The following CCT3 variants were observed in gnomAD, a reference collection of about 807,000 sequenced individuals.
CCT3 encodes T-complex protein 1 subunit gamma.
In CCT3, 10 loss-of-function variants were observed where a neutral mutation model predicts 65.3. The ratio of observed to expected loss-of-function variants is 0.15; its 90% CI spans 0.09 to 0.26. CCT3 has a LOEUF of 0.26. Among genes scored for constraint, CCT3 ranks in the 10% least tolerant of loss-of-function variants. The probability of loss-of-function intolerance (pLI) is 1.00; values close to 1 mark genes in which losing one functional copy is unlikely to be tolerated. For missense variants in CCT3, 626 were observed against 708.7 expected (o/e 0.88, Z 1.33); for synonymous variants, 225 against 242.3 (o/e 0.93, Z 0.66).
intron 13 of CCT3, among the ~76,000 whole-genome samples, chr1:156,310,093 A>C (rs1664016895): frequency 6.7e-6 from 1 of 149,290 alleles, no homozygotes; most frequent in African/African-American, 2.5e-5. Context: ...AGTGATACAG[A>C]TTGTGCTATA....
At chr1:156,327,292 T>TCC (rs1414551324) in intron 5 of CCT3, among the ~76,000 whole-genome samples, 3 of 151,280 alleles carry the variant, frequency 2.0e-5, no homozygotes, top group Admixed American at 6.6e-5. Flanking sequence ...CCTCTCCCTC[T>TCC]CCACGGTCTC....
intron 2 of CCT3, 28 bp downstream of exon 2, chr1:156,335,799 T>A (rs762859377): frequency 5.0e-6 from 8 of 1,599,700 alleles, no homozygotes; most frequent in Non-Finnish European, 6.0e-6. Context: ...GGAGGCAAAC[T>A]ACCATAAACA....
At chr1:156,327,641 C>T (rs1269212140) in intron 5 of CCT3, among the ~76,000 whole-genome samples, 7 of 152,182 alleles carry the variant, frequency 4.6e-5, no homozygotes, top group Middle Eastern at 3.4e-3. Flanking sequence ...CGGCTCGCTA[C>T]AACCACCTCC....
intron 7 of CCT3, among the ~76,000 whole-genome samples, chr1:156,320,502 C>T (rs774750626): frequency 2.6e-5 from 4 of 152,206 alleles, no homozygotes; most frequent in Non-Finnish European, 5.9e-5. Flanking sequence ...AATCCCAGCA[C>T]TTTGAGAGCC....
At chr1:156,323,801 C>T (rs960979382) in intron 6 of CCT3, among the ~76,000 whole-genome samples, 6 of 151,174 alleles carry the variant, frequency 4.0e-5, no homozygotes, top group African/African-American at 1.2e-4. Flanking sequence ...TTTTGTTGTT[C>T]GCCCAGGCTG....
Position 156,317,235 on chromosome 1 carries a change from T to G in CCT3, c.905A>C (p.His302Pro). Residue 302 changes from histidine (H) to proline (P), a missense_variant, in exon 10 of 14, where the codon CAC (histidine) becomes CCC (proline). Physicochemically the swap from His to Pro is moderately conservative, Grantham distance 77. Coordinates refer to ENST00000295688, the MANE Select transcript of CCT3 (RefSeq NM_005998.5). ...TEKGISDLAQ[H>P]YLMRANITAI... is the part of the protein sequence containing the mutation. ...TGTGATATTGGCCCGCATAAGGTAG[T>G]GCTGAGCTAAATCTACAAATCCAAG... 1 of 1,614,204 alleles carries G rather than the reference T, an allele frequency of 6.2e-7. No homozygotes were observed. The highest frequency in any genetic ancestry group is 8.5e-7 in the Non-Finnish European group (1 of 1,180,008).
intron 4 of CCT3, 123 bp downstream of exon 4, chr1:156,334,586 GCCAA>G: frequency 1.2e-6 from 1 of 824,952 alleles, no homozygotes; most frequent in Non-Finnish European, 1.9e-6. Flanking sequence ...TGTTGTTGAA[GCCAA>G]CCAGTTTCTG....
chr1:156,328,119 G>A (rs1664927524), intron 5 of CCT3, among the ~76,000 whole-genome samples: 1 of 142,940 alleles, frequency 7.0e-6, no homozygotes, highest in Non-Finnish European at 1.5e-5. Context: ...CGGGAGGTGA[G>A]GGGCGCCTCT....
intron 5 of CCT3, chr1:156,333,336 G>T: frequency 4.4e-6 from 2 of 456,198 alleles, no homozygotes. Context: ...AGTGAATAAA[G>T]AGAATTAACT....
At chr1:156,337,817 T>A in intron 1 of CCT3, 3 of 364,636 alleles carry the variant, frequency 8.2e-6, no homozygotes, top group Non-Finnish European at 9.9e-6. Flanking sequence ...AAAAACGTTA[T>A]TCGTGCAGCT....
intron 5 of CCT3, among the ~76,000 whole-genome samples, chr1:156,328,123 C>T (rs1412040677): frequency 2.1e-5 from 3 of 142,146 alleles, no homozygotes; most frequent in Non-Finnish European, 3.1e-5. Flanking sequence ...AGGTGAGGGG[C>T]GCCTCTGCCT....
chr1:156,337,412 T>G, intron 1 of CCT3: 1 of 169,586 alleles, frequency 5.9e-6, no homozygotes. Context: ...TGTCTCAAAA[T>G]ATAAAAAGAA....
chr1:156,317,646 C>A, intron 8 of CCT3, 99 bp from the exon 9 acceptor site: 4 of 1,146,970 alleles, frequency 3.5e-6, no homozygotes, highest in South Asian at 3.1e-5. Flanking sequence ...CCACGTATCT[C>A]AGAGTCAGAA....
chr1:156,320,349 A>G (rs1444813742), intron 7 of CCT3, among the ~76,000 whole-genome samples: 1 of 152,188 alleles, frequency 6.6e-6, no homozygotes, highest in African/African-American at 2.4e-5. Flanking sequence ...TGGAGGCTAC[A>G]GTGAGCCGAG....
At chr1:156,337,606 TA>T (rs1278841608) in intron 1 of CCT3, 1 of 164,430 alleles carries the variant, frequency 6.1e-6, no homozygotes, top group African/African-American at 2.4e-5. Flanking sequence ...TTACTGAAAA[TA>T]AATGTAACGT....
chr1:156,335,330 G>A (rs532099526), intron 2 of CCT3: 10 of 187,504 alleles, frequency 5.3e-5, no homozygotes, highest in Admixed American at 5.0e-4. Flanking sequence ...AGAATAAGGG[G>A]GAAATGGCTC....
At position 156,308,995 on chromosome 1, in the gene CCT3, A is replaced by G; in HGVS notation, c.*204T>C. The G allele has an allele frequency of 2.1e-6, 1 of 475,204 alleles. No individual in the cohort carries two copies. The allele number at this position is 475,204 out of a possible 1,614,324, so 29.4% of individuals were successfully genotyped here. On this transcript the variant is annotated 3_prime_UTR_variant, in exon 14 of 14. Transcript: ENST00000295688. ...AAATGACTTAGATTTAATCATCGGAAGCAAACTAAATGGAAACCTTACAAT... is the reference window on the plus strand; with the variant it reads ...AAATGACTTAGATTTAATCATCGGAGGCAAACTAAATGGAAACCTTACAAT...
chr1:156,311,978 T>C lies in CCT3; in HGVS notation c.1155+63A>G, dbSNP rs1664101786. The C allele has an allele frequency of 1.4e-5, 19 of 1,370,346 alleles. No homozygotes were observed. In the South Asian group the frequency reaches 2.9e-4, roughly 21 times the overall value. The allele number at this position is 1,370,346 out of a possible 1,614,324, so 84.9% of individuals were successfully genotyped here. On this transcript the variant is annotated intron_variant, in intron 11 of 13. Coordinates refer to ENST00000295688, the MANE Select transcript of CCT3 (RefSeq NM_005998.5). Reference sequence around the variant, plus strand: ...GACCACAGAATTATTTTAGGCCCTTTGGGAAACTCTCAAGAAGTTCAGTGA... The same window carrying C: ...GACCACAGAATTATTTTAGGCCCTTCGGGAAACTCTCAAGAAGTTCAGTGA...
chr1:156,331,805 G>A (rs1298926607), intron 5 of CCT3, among the ~76,000 whole-genome samples: 2 of 151,828 alleles, frequency 1.3e-5, no homozygotes, highest in Admixed American at 6.6e-5. Flanking sequence ...AGGCAGAGGC[G>A]GGCAGATCAC....
Sources: allele counts gnomAD v4.1 joint callset (sites outside exome capture counted in the v4.1 genomes callset), GRCh38; gene constraint gnomAD v4.1.1; transcripts MANE v1.5; gene names NCBI Gene and HGNC (gene_info 2026-07-23, HGNC 2026-07-21).